Variants in SIDT1 observed in about 807,000 individuals in gnomAD.
The protein encoded by SIDT1 is SID1 transmembrane family member 1, also known as SID1 transmembrane family, member 1.
SIDT1 carries 101 observed loss-of-function variants against 107.5 expected under a neutral mutation model. That is an observed-to-expected ratio of 0.94 (90% CI 0.80 to 1.11). The LOEUF (loss-of-function observed/expected upper bound fraction) is 1.11. SIDT1 is among the 50% of genes least tolerant of loss of function. The probability of loss-of-function intolerance (pLI) is 0.00; values close to 1 mark genes in which losing one functional copy is unlikely to be tolerated. For missense variants in SIDT1, 1,076 were observed against 1,058.2 expected (o/e 1.02, Z -0.23); for synonymous variants, 395 against 398.2 (o/e 0.99, Z 0.10).
intron 17 of SIDT1, among the ~76,000 whole-genome samples, chr3:113,609,058 C>CTTTT (rs11453487): frequency 2.0e-3 from 170 of 86,662 alleles, no homozygotes; most frequent in Middle Eastern, 0.01. Context: ...TGAGCCCATT[C>CTTTT]TTTTTTTTTT....
At chr3:113,589,871 A>G (rs953484945) in intron 9 of SIDT1, 1 of 152,990 alleles carries the variant, frequency 6.5e-6, no homozygotes, top group Non-Finnish European at 1.5e-5. Context: ...TTCATTCAAT[A>G]AAAATTTAGT....
In SIDT1 at chr3:113,576,972, G is replaced by A; in HGVS notation, c.561+5G>A. On this transcript the variant is annotated splice_donor_5th_base_variant and intron_variant, in intron 4 of 24. Transcript: ENST00000264852. ...GCCAGCCCCTCTCAACCTCAGGTAA[G>A]TGAAGGGGTTCCAAGAGTTATCAAC... is the stretch of plus-strand genomic sequence containing the variant. The A allele has an allele frequency of 6.2e-7, 1 of 1,614,062 alleles. No individual in the cohort carries two copies. Among genetic ancestry groups the A allele is most frequent in the Non-Finnish European group, 8.5e-7 (1 of 1,179,906 alleles).
chr3:113,582,885 C>A (rs1201198517), intron 6 of SIDT1, among the ~76,000 whole-genome samples: 1 of 151,872 alleles, frequency 6.6e-6, no homozygotes, highest in African/African-American at 2.4e-5. Context: ...CTCTAACGGA[C>A]CTTAAAGTTC....
chr3:113,568,166 A>G (rs1310632352), intron 3 of SIDT1, among the ~76,000 whole-genome samples: 2 of 144,432 alleles, frequency 1.4e-5, no homozygotes, highest in African/African-American at 5.2e-5. Flanking sequence ...TGGTGTGACT[A>G]GTATTATTTT....
At chr3:113,584,915 G>A (rs976579723) in intron 8 of SIDT1, 146 bp downstream of exon 8, 13 of 673,392 alleles carry the variant, frequency 1.9e-5, no homozygotes, top group Middle Eastern at 2.5e-4. Flanking sequence ...GGGAGTCAGA[G>A]CATTTTGTTA....
At chr3:113,560,957 T>C (rs1264008884) in intron 1 of SIDT1, among the ~76,000 whole-genome samples, 3 of 152,338 alleles carry the variant, frequency 2.0e-5, no homozygotes, top group East Asian at 3.9e-4. Context: ...CTCTCTTAGC[T>C]AGCTATAATT....
chr3:113,556,312 C>A (rs534552507), intron 1 of SIDT1, among the ~76,000 whole-genome samples: 7 of 152,126 alleles, frequency 4.6e-5, no homozygotes, highest in Admixed American at 4.6e-4. Flanking sequence ...AAAAGTGTAA[C>A]TTGTGATGGA....
chr3:113,615,035 C>CT, intron 19 of SIDT1: 1 of 1,532,900 alleles, frequency 6.5e-7, no homozygotes, highest in Non-Finnish European at 8.7e-7. Context: ...TTTTTTTCTC[C>CT]TTTCTTCTCT....
At chr3:113,584,591 C>A in intron 7 of SIDT1, 107 bp from the exon 8 acceptor site, 1 of 710,908 alleles carries the variant, frequency 1.4e-6, no homozygotes, top group South Asian at 1.7e-5. Context: ...ATTCAGTGAT[C>A]AGAATTAATT....
intron 17 of SIDT1, among the ~76,000 whole-genome samples, chr3:113,609,390 C>T (rs1297597795): frequency 2.6e-5 from 4 of 152,070 alleles, no homozygotes; most frequent in Admixed American, 1.3e-4. Flanking sequence ...TTGAATCATT[C>T]TCTAAGCGCT....
chr3:113,579,989 A>G (rs1943204822), intron 4 of SIDT1, among the ~76,000 whole-genome samples: 1 of 152,222 alleles, frequency 6.6e-6, no homozygotes, highest in Non-Finnish European at 1.5e-5. Context: ...AAACACTTTT[A>G]AAAGATACCT....
chr3:113,535,560 AAC>A (rs901389277), intron 1 of SIDT1, among the ~76,000 whole-genome samples: 2 of 152,180 alleles, frequency 1.3e-5, no homozygotes, highest in Non-Finnish European at 2.9e-5. Context: ...TATTTTATGA[AAC>A]AGTTTTGAAA....
chr3:113,557,450 G>C (rs1940998760), intron 1 of SIDT1, among the ~76,000 whole-genome samples: 1 of 152,090 alleles, frequency 6.6e-6, no homozygotes, highest in Non-Finnish European at 1.5e-5. Context: ...CCAATCCAAT[G>C]ACTGAAATAC....
At chr3:113,578,937 G>A (rs543224496) in intron 4 of SIDT1, among the ~76,000 whole-genome samples, 18 of 152,186 alleles carry the variant, frequency 1.2e-4, no homozygotes, top group African/African-American at 3.6e-4. Flanking sequence ...AACAAAACAA[G>A]TTCCTTGATA....
intron 1 of SIDT1, among the ~76,000 whole-genome samples, chr3:113,542,936 G>GTGTGTT (rs1553777630): frequency 3.1e-4 from 37 of 118,536 alleles, no homozygotes; most frequent in African/African-American, 1.0e-3. Flanking sequence ...GTGTGTGTGT[G>GTGTGTT]TGTTTGTTTG....
intron 1 of SIDT1, among the ~76,000 whole-genome samples, chr3:113,547,681 T>G (rs1345453796): frequency 6.6e-6 from 1 of 152,126 alleles, no homozygotes; most frequent in African/African-American, 2.4e-5. Context: ...TCTTTCCTGA[T>G]AAGAAAGCTA....
chr3:113,625,138 T>A (rs1405646874), intron 23 of SIDT1, among the ~76,000 whole-genome samples: 5 of 147,348 alleles, frequency 3.4e-5, no homozygotes, highest in African/African-American at 1.3e-4. Context: ...TTTCTTTCTT[T>A]TTTTTGGGGG....
chr3:113,563,432 C>G (rs1438081568), intron 1 of SIDT1, among the ~76,000 whole-genome samples: 1 of 152,186 alleles, frequency 6.6e-6, no homozygotes, highest in East Asian at 1.9e-4. Context: ...ACTTCCTTGA[C>G]TATGACTCAA....
chr3:113,607,875 T>C (rs1173804401), intron 15 of SIDT1, among the ~76,000 whole-genome samples: 2 of 152,174 alleles, frequency 1.3e-5, no homozygotes, highest in Non-Finnish European at 2.9e-5. Context: ...GCAGGCACCC[T>C]TGAGAGGAAA....
Sources: gnomAD v4.1 joint callset for allele counts (sites outside exome capture counted in the v4.1 genomes callset) on GRCh38, gnomAD v4.1.1 for gene constraint, MANE v1.5 for transcripts, NCBI Gene and HGNC (gene_info 2026-07-23, HGNC 2026-07-21) for gene names.